Variants in MAP3K15 observed in about 807,000 individuals in gnomAD.
The protein encoded by MAP3K15 is MAPK/ERK kinase kinase 15.
In MAP3K15, 124 loss-of-function variants were observed where a neutral mutation model predicts 99.5. The observed-to-expected ratio is 1.25, with a 90% CI of 1.08 to 1.45. The LOEUF (loss-of-function observed/expected upper bound fraction) is 1.45. Among genes scored for constraint, MAP3K15 ranks in the 40% most tolerant of loss-of-function variants. The pLI, the probability that MAP3K15 is intolerant of heterozygous loss-of-function variation, is 0.00. For missense variants in MAP3K15, 1,242 were observed against 1,079.7 expected (o/e 1.15, Z -2.11); for synonymous variants, 494 against 439.6 (o/e 1.12, Z -1.55).
rs145535604 is a variant in MAP3K15, at chrX:19,362,814, G to C, written c.3603C>G (p.Tyr1201Ter). 1.8e-5 allele frequency: 21 copies of C among 1,176,881 alleles called. No individual in the cohort carries two copies. Among genetic ancestry groups the C allele is most frequent in the Admixed American group, 1.4e-4 (6 of 44,217 alleles). The change falls in exon 26 of 29, where the codon TAC becomes TAG. Residue 1201 changes from tyrosine (Y) to a stop codon, truncating the protein, a stop_gained. Coordinates refer to ENST00000338883, the MANE Select transcript of MAP3K15 (RefSeq NM_001001671.4). LOFTEE classifies it high-confidence loss of function. ...CTAGAGTTTGCCGCAGAAGATTCTGGTACTCTCTCTCTTTTTCAACTAGGT... is the reference window on the plus strand; with the variant it reads ...CTAGAGTTTGCCGCAGAAGATTCTGCTACTCTCTCTCTTTTTCAACTAGGT... Reference protein sequence around the residue: ...LEHLVEKEREYQNLLRQTLEQ... With the variant: ...LEHLVEKERE
At chrX:19,432,211 A>T (rs1413364901) in intron 6 of MAP3K15, among the ~76,000 whole-genome samples, 3 of 110,703 alleles carry the variant, frequency 2.7e-5, no homozygotes, top group Non-Finnish European at 5.7e-5. Context: ...AAGACTTAAG[A>T]GTCATATCAA....
chrX:19,389,302 A>T (rs1258977642), intron 18 of MAP3K15, among the ~76,000 whole-genome samples: 1 of 65,640 alleles, frequency 1.5e-5, no homozygotes, highest in East Asian at 4.7e-4. Flanking sequence ...TAAGGCTGCT[A>T]AAAAAAAAAA....
At chrX:19,511,443 GA>G (rs1177108442) in intron 1 of MAP3K15, among the ~76,000 whole-genome samples, 1 of 111,443 alleles carries the variant, frequency 9.0e-6, no homozygotes, top group Non-Finnish European at 1.9e-5. Flanking sequence ...CTAATATCCA[GA>G]ATCTACAAGG....
At chrX:19,430,577 A>AT (rs1423580211) in intron 7 of MAP3K15, among the ~76,000 whole-genome samples, 3 of 111,967 alleles carry the variant, frequency 2.7e-5, no homozygotes, top group African/African-American at 9.7e-5. Context: ...TATTCTTTGC[A>AT]TAACAGTGAG....
rs1395412359 is a variant in MAP3K15 at position 19,514,915 on chromosome X, G to A, written c.347C>T (p.Ala116Val). The A allele has an allele frequency of 3.5e-6, 4 of 1,130,745 alleles. No homozygotes were observed. Among genetic ancestry groups the A allele is most frequent in the Non-Finnish European group, 4.7e-6 (4 of 857,288 alleles). 93.2% of individuals were successfully genotyped at this position (1,130,745 alleles called of 1,213,427 possible). A position where few individuals can be genotyped will look rare whatever the true frequency, so the allele number is the denominator to read the frequency against. The stretch of plus-strand genomic sequence containing the variant: ...GCCGCTCTCACCTGCGTCGTAGAAG[G>A]CGTCGAGCACGGCCGTCTCCCCGAA... Reference protein sequence around the residue: ...LDFGETAVLDAFYDADVAVVD... With the variant: ...LDFGETAVLDVFYDADVAVVD... The change falls in exon 1 of 29, where the codon GCC becomes GTC. Residue 116 changes from alanine to valine, a missense_variant. Ala to Val is a moderately conservative substitution (Grantham distance 64). Coordinates refer to ENST00000338883, the MANE Select transcript of MAP3K15 (RefSeq NM_001001671.4).
intron 1 of MAP3K15, among the ~76,000 whole-genome samples, chrX:19,507,272 T>G (rs775691584): frequency 9.0e-6 from 1 of 111,347 alleles, no homozygotes; most frequent in South Asian, 3.8e-4. Context: ...CCCAGGAGGA[T>G]AGTTTCCACA....
chrX:19,450,645 C>T (rs1473496592), intron 6 of MAP3K15, among the ~76,000 whole-genome samples: 1 of 108,534 alleles, frequency 9.2e-6, no homozygotes, highest in Non-Finnish European at 1.9e-5. Context: ...ACTTCAGTCA[C>T]CCCTCATGAA....
At chrX:19,466,239 T>C (rs906225805) in intron 3 of MAP3K15, among the ~76,000 whole-genome samples, 2 of 112,075 alleles carry the variant, frequency 1.8e-5, no homozygotes, top group African/African-American at 6.5e-5. Context: ...CTAAATTAAA[T>C]GCCATTTACA....
intron 6 of MAP3K15, among the ~76,000 whole-genome samples, chrX:19,442,383 T>C (rs1367712509): frequency 8.9e-6 from 1 of 111,856 alleles, no homozygotes; most frequent in Non-Finnish European, 1.9e-5. Context: ...CACATATAAA[T>C]AAAGAAAATA....
At chrX:19,369,027 C>T in intron 25 of MAP3K15, 27 bp downstream of exon 25, 1 of 1,161,657 alleles carries the variant, frequency 8.6e-7, no homozygotes, top group Non-Finnish European at 1.1e-6. Flanking sequence ...GCGCCTGCTC[C>T]CAGAGGAGGG....
At chrX:19,388,040 G>A (rs1479586106) in intron 18 of MAP3K15, among the ~76,000 whole-genome samples, 1 of 112,749 alleles carries the variant, frequency 8.9e-6, no homozygotes, top group East Asian at 2.8e-4. Context: ...TCCTGCAGCT[G>A]GTGATTAGGG....
chrX:19,430,910 T>TCCCC (rs749256742), intron 7 of MAP3K15, among the ~76,000 whole-genome samples: 86 of 111,197 alleles, frequency 7.7e-4, no homozygotes, highest in Non-Finnish European at 1.2e-3. Flanking sequence ...CCCTCCTTTA[T>TCCCC]CCCCTTCCCT....
At chrX:19,394,789 C>CTTTTTTTTTTTTTTTT (rs144723219) in intron 16 of MAP3K15, among the ~76,000 whole-genome samples, 1 of 17,512 alleles carries the variant, frequency 5.7e-5, no homozygotes, top group African/African-American at 1.4e-4. Flanking sequence ...GGGTCTGTTG[C>CTTTTTTTTTTTTTTTT]TTTTTTTTTT....
chrX:19,478,202 GAGAA>G (rs1193887228), intron 3 of MAP3K15, among the ~76,000 whole-genome samples: 2 of 64,559 alleles, frequency 3.1e-5, no homozygotes, highest in Non-Finnish European at 5.7e-5. Flanking sequence ...GAGGGGGAGA[GAGAA>G]AGAGGGAGGG....
chrX:19,404,865 T>C (rs753631566), intron 13 of MAP3K15, among the ~76,000 whole-genome samples: 1 of 111,328 alleles, frequency 9.0e-6, no homozygotes, highest in Non-Finnish European at 1.9e-5. Context: ...CAAAAATGAA[T>C]TCAAAATGGG....
rs182988144 is a variant in MAP3K15 at position 19,374,994 on chromosome X, C to T, written c.2590-334G>A. ...AGAGGAAGCCCAGGAGGTACGACCC[C>T]GTGGAGAGGACGCCCCAGCCATCCC... On this transcript the variant is annotated intron_variant, in intron 19 of 28. Coordinates refer to ENST00000338883, the MANE Select transcript of MAP3K15 (RefSeq NM_001001671.4). Among the ~76,000 whole-genome samples, 31 of 110,963 alleles carry T rather than the reference C, an allele frequency of 2.8e-4. No homozygotes were observed. The East Asian group carries it at 8.3e-3, about 30-fold the overall frequency.
intron 18 of MAP3K15, 92 bp downstream of exon 18, chrX:19,391,910 G>C (rs758307079): frequency 1.8e-6 from 1 of 563,142 alleles, no homozygotes; most frequent in African/African-American, 2.3e-5. Flanking sequence ...GCTCAGAAAA[G>C]GTGCTCACTA....
intron 1 of MAP3K15, among the ~76,000 whole-genome samples, chrX:19,503,855 C>T (rs1329383884): frequency 9.1e-6 from 1 of 109,894 alleles, no homozygotes; most frequent in African/African-American, 3.3e-5. Flanking sequence ...TGGGTCACAC[C>T]TGTAATCCCG....
At chrX:19,461,367 T>C (rs1386878344) in intron 4 of MAP3K15, among the ~76,000 whole-genome samples, 1 of 111,748 alleles carries the variant, frequency 8.9e-6, no homozygotes, top group African/African-American at 3.2e-5. Context: ...AGTGCTGGGA[T>C]TACAGGCGTG....
Sources: gnomAD v4.1 joint callset for allele counts (sites outside exome capture counted in the v4.1 genomes callset) on GRCh38, gnomAD v4.1.1 for gene constraint, MANE v1.5 for transcripts, NCBI Gene and HGNC (gene_info 2026-07-23, HGNC 2026-07-21) for gene names.